UBR4: variants seen among roughly 807,000 people sequenced by gnomAD.
UBR4 encodes the protein E3 ubiquitin-protein ligase UBR4.
UBR4 carries 124 observed loss-of-function variants against 575.6 expected under a neutral mutation model. The ratio of observed to expected loss-of-function variants is 0.22; its 90% CI spans 0.19 to 0.25. The LOEUF (loss-of-function observed/expected upper bound fraction) is 0.25, where lower values mean the gene tolerates loss of function less well. UBR4 is among the 10% of genes least tolerant of loss of function. The pLI, the probability that UBR4 is intolerant of heterozygous loss-of-function variation, is 1.00. For synonymous variants in UBR4, 2,455 were observed against 2,473.7 expected (o/e 0.99, Z 0.22); for missense variants, 4,818 against 6,478.8 (o/e 0.74, Z 8.80).
chr1:19,133,267 T>C (rs2082749218), intron 60 of UBR4, among the ~76,000 whole-genome samples: 1 of 152,120 alleles, frequency 6.6e-6, no homozygotes, highest in Non-Finnish European at 1.5e-5. Context: ...ACGTAATCTA[T>C]AACCTTAAAC....
chr1:19,184,245 C>G, intron 15 of UBR4, 70 bp from the exon 16 acceptor site: 1 of 1,498,278 alleles, frequency 6.7e-7, no homozygotes, highest in African/African-American at 1.4e-5. Flanking sequence ...ACTCTGATTA[C>G]AAATAGAAAA....
At chr1:19,114,303 A>T (rs1489558315) in intron 75 of UBR4, among the ~76,000 whole-genome samples, 2 of 152,248 alleles carry the variant, frequency 1.3e-5, no homozygotes, top group African/African-American at 2.4e-5. Flanking sequence ...GAAGTAACTT[A>T]TACTAGGTTA....
intron 60 of UBR4, among the ~76,000 whole-genome samples, chr1:19,130,124 G>A (rs1056101667): frequency 1.1e-4 from 17 of 152,188 alleles, no homozygotes; most frequent in African/African-American, 4.1e-4. Context: ...ACTAAGAAGG[G>A]AGGATTGGTT....
intron 66 of UBR4, 97 bp from the exon 67 acceptor site, chr1:19,122,109 C>T: frequency 7.9e-7 from 1 of 1,259,194 alleles, no homozygotes; most frequent in Non-Finnish European, 1.2e-6. Flanking sequence ...TGACTTTGGA[C>T]TACACCTGAA....
At chr1:19,158,128 C>G (rs1486292190) in intron 39 of UBR4, 131 bp from the exon 40 acceptor site, 1 of 855,478 alleles carries the variant, frequency 1.2e-6, no homozygotes, top group Non-Finnish European at 1.8e-6. Context: ...GGCCTCCAAA[C>G]CGTGGATGGC....
chr1:19,105,662 A>C, intron 84 of UBR4, 71 bp downstream of exon 84: 1 of 1,174,936 alleles, frequency 8.5e-7, no homozygotes, highest in South Asian at 1.7e-5. Context: ...TGATCCATGG[A>C]TTCCCCGGGG....
At chr1:19,107,432 G>A (rs1193142408) in intron 81 of UBR4, among the ~76,000 whole-genome samples, 3 of 152,106 alleles carry the variant, frequency 2.0e-5, no homozygotes, top group Middle Eastern at 3.4e-3. Context: ...AAATTATTAC[G>A]GACTCCAGAG....
At chr1:19,080,218 C>T (rs1398159918) in intron 103 of UBR4, 1 of 152,208 alleles carries the variant, frequency 6.6e-6, no homozygotes, top group Non-Finnish European at 1.5e-5. Context: ...TTGGGAAATA[C>T]TGGAAAGTGA....
chr1:19,146,498 T>C (rs781146301), intron 52 of UBR4, among the ~76,000 whole-genome samples: 1 of 152,240 alleles, frequency 6.6e-6, no homozygotes, highest in Non-Finnish European at 1.5e-5. Context: ...AGATATGCCA[T>C]AGTTGCTTTA....
intron 101 of UBR4, among the ~76,000 whole-genome samples, chr1:19,085,244 G>A (rs1358002210): frequency 1.3e-5 from 2 of 152,196 alleles, no homozygotes; most frequent in African/African-American, 4.8e-5. Flanking sequence ...ATGCCTGGCC[G>A]GGCACAGTGG....
chr1:19,196,435 C>T (rs1323309398), intron 8 of UBR4, among the ~76,000 whole-genome samples: 1 of 152,164 alleles, frequency 6.6e-6, no homozygotes, highest in Non-Finnish European at 1.5e-5. Context: ...AAGTAAACTT[C>T]TGAAATTGCT....
intron 27 of UBR4, among the ~76,000 whole-genome samples, chr1:19,168,511 G>C (rs76799277): frequency 0.018 from 2,783 of 152,266 alleles, 67 homozygotes; most frequent in Non-Finnish European, 0.022. Flanking sequence ...ATTTTGCAAT[G>C]CATCTGGTCT....
Position 19,117,481 on chromosome 1 carries a change from C to T in UBR4, c.10630-67G>A. On this transcript the variant is annotated intron_variant, in intron 72 of 105. Coordinates refer to ENST00000375254, the MANE Select transcript of UBR4 (RefSeq NM_020765.3). This position sits in a 1 kb window ranked among gnomAD's most constrained non-coding sequence, Gnocchi z 4.0. Reference sequence around the variant, plus strand: ...TCGTACTGCCTTTTTAAAAATTCATCAGTGTAACCCACTCTTCATCCACAA... The same window carrying T: ...TCGTACTGCCTTTTTAAAAATTCATTAGTGTAACCCACTCTTCATCCACAA... 1 of 1,490,076 alleles carries T rather than the reference C, an allele frequency of 6.7e-7. No individual in the cohort carries two copies. The allele number at this position is 1,490,076 out of a possible 1,614,324, so 92.3% of individuals were successfully genotyped here.
intron 71 of UBR4, 112 bp downstream of exon 71, chr1:19,118,760 C>T (rs1379392146): frequency 6.7e-6 from 7 of 1,049,912 alleles, no homozygotes; most frequent in Admixed American, 2.0e-5. Context: ...TAGGCAGATT[C>T]GCTCTTCTCT....
intron 8 of UBR4, among the ~76,000 whole-genome samples, 172 bp downstream of exon 8, chr1:19,196,969 C>A (rs1346214105): frequency 6.6e-6 from 1 of 152,156 alleles, no homozygotes; most frequent in African/African-American, 2.4e-5. Flanking sequence ...ACAACAGGAC[C>A]ATTTACAAAG....
At chr1:19,130,339 C>T (rs2082279836) in intron 60 of UBR4, among the ~76,000 whole-genome samples, 1 of 152,114 alleles carries the variant, frequency 6.6e-6, no homozygotes, top group African/African-American at 2.4e-5. Flanking sequence ...CAAGACCAGC[C>T]AGGGAAACAT....
At position 19,088,080 on chromosome 1, in the gene UBR4, G is replaced by C. The variant is rs1305639884; in HGVS notation, c.14431-151C>G. On this transcript the variant is annotated intron_variant, in intron 98 of 105. Transcript: ENST00000375254. The surrounding 1 kb of genome is among the most constrained non-coding windows in gnomAD (Gnocchi z 4.0). ...AGCCCTTGAGCTGTCTTCTAATAAG[G>C]ATAAAGACCCAGGCCCTTCTGCTAT... The C allele has an allele frequency of 1.2e-5, 7 of 586,866 alleles. No individual in the cohort carries two copies. The Admixed American group carries it at 1.4e-4, about 12-fold the overall frequency. 36.4% of individuals were successfully genotyped at this position (586,866 alleles called of 1,614,324 possible). A position where few individuals can be genotyped will look rare whatever the true frequency, so the allele number is the denominator to read the frequency against.
In UBR4 at chr1:19,114,806, C is replaced by T. The variant is rs1470523499; in HGVS notation, c.11202+5G>A. The T allele has an allele frequency of 2.5e-6, 4 of 1,614,074 alleles. No individual in the cohort carries two copies. The highest frequency in any genetic ancestry group is 3.4e-6 in the Non-Finnish European group (4 of 1,180,008). ...GCCCTGAGTCTAGGCCAGATCTGGC[C>T]TCACCTTCTTCCGGTCTTCTTCATT... On this transcript the variant is annotated splice_donor_5th_base_variant and intron_variant, in intron 75 of 105. Transcript: ENST00000375254.
chr1:19,198,100 C>T (rs1301060681), intron 5 of UBR4, 51 bp from the exon 6 acceptor site: 1 of 1,567,936 alleles, frequency 6.4e-7, no homozygotes, highest in South Asian at 1.1e-5. Context: ...TTCACCAAAC[C>T]AACTGTCAAA....
Sources: allele counts gnomAD v4.1 joint callset (sites outside exome capture counted in the v4.1 genomes callset), GRCh38; gene constraint gnomAD v4.1.1; non-coding constraint Gnocchi (gnomAD v3.1); transcripts MANE v1.5; gene names NCBI Gene and HGNC (gene_info 2026-07-23, HGNC 2026-07-21).